The following SPHK1 variants were observed in gnomAD, a reference collection of about 807,000 sequenced individuals.
The protein encoded by SPHK1 is sphingosine kinase 1, also known as SK 1.
Under a neutral mutation model 14.6 loss-of-function variants are expected in SPHK1, and 10 were observed. That is an observed-to-expected ratio of 0.68 (90% CI 0.42 to 1.16). The LOEUF (loss-of-function observed/expected upper bound fraction) is 1.16, where lower values mean the gene tolerates loss of function less well. Ranked by LOEUF, SPHK1 falls within the 50% of genes most tolerant of loss-of-function variation. The pLI is 0.00. For missense variants in SPHK1, 553 were observed against 525.4 expected (o/e 1.05, Z -0.51); for synonymous variants, 274 against 224.0 (o/e 1.22, Z -1.99).
Position 76,385,880 on chromosome 17 carries a change from A to G in SPHK1, c.11-105A>G. 3.4e-6 allele frequency: 5 copies of G among 1,490,146 alleles called. No homozygotes were observed. The highest frequency in any genetic ancestry group is 4.5e-6 in the Non-Finnish European group (5 of 1,115,336). 92.3% of individuals were successfully genotyped at this position (1,490,146 alleles called of 1,614,324 possible). A position where few individuals can be genotyped will look rare whatever the true frequency, so the allele number is the denominator to read the frequency against. On this transcript the variant is annotated intron_variant, in intron 2 of 5. Coordinates refer to ENST00000592299, the MANE Select transcript of SPHK1 (RefSeq NM_001142601.2). This position sits in a 1 kb window ranked among gnomAD's most constrained non-coding sequence, Gnocchi z 5.3. ...GCCGCTCCTCTGGCCAGGGTCAATT[A>G]CCGGGGTGTTTCGGGCACCAAGTTC...
chr17:76,385,060 T>C lies in SPHK1; in HGVS notation c.-195+254T>C. 6.5e-7 allele frequency: 1 copy of C among 1,542,332 alleles called. No individual in the cohort carries two copies. Among genetic ancestry groups the C allele is most frequent in the Non-Finnish European group, 8.7e-7 (1 of 1,143,182 alleles). ...GCTCCGGGCAGGGGACACGGCAACC[T>C]GGATGGCTGGGGCAGGGATCCTCTC... On this transcript the variant is annotated intron_variant, in intron 1 of 5. Transcript: ENST00000592299. The surrounding 1 kb of genome is among the most constrained non-coding windows in gnomAD (Gnocchi z 5.3).
upstream of SPHK1, chr17:76,383,850 T>A (rs1183785980): frequency 1.3e-5 from 17 of 1,284,754 alleles, no homozygotes; most frequent in Non-Finnish European, 1.4e-5. Flanking sequence ...ACGTACCACA[T>A]GCTTGGCTTT....
At position 76,387,520 on chromosome 17, in the gene SPHK1, C is replaced by T. The variant is rs346802; in HGVS notation, c.1089C>T (p.Ser363=). ...ACCCAAACTACTTCTGGATGGTCAG[C>T]GGTTGCGTGGAGCCCCCGCCCAGCT... The part of the protein sequence containing the change: ...QVHPNYFWMV[S]GCVEPPPSWK... Residue 363 remains serine (S), a synonymous_variant, in exon 6 of 6, where the codon AGC becomes AGT. Transcript: ENST00000592299. The surrounding 1 kb of genome is among the most constrained non-coding windows in gnomAD (Gnocchi z 4.1). The T allele has an allele frequency of 0.048, 76,856 of 1,611,404 alleles. 2,577 individuals are homozygous for T. The highest frequency in any genetic ancestry group is 0.12 in the South Asian group (11,227 of 90,988).
upstream of SPHK1, chr17:76,384,490 G>A (rs1008459048): frequency 6.7e-6 from 1 of 150,154 alleles, no homozygotes; most frequent in African/African-American, 2.4e-5. Context: ...CCCGGCCGTG[G>A]GCGCGGGCCG....
chr17:76,385,541 G>C lies in SPHK1; in HGVS notation c.-104G>C. 1.3e-6 allele frequency: 2 copies of C among 1,539,780 alleles called. No individual in the cohort carries two copies. The highest frequency in any genetic ancestry group is 8.7e-7 in the Non-Finnish European group (1 of 1,149,588). ...CCCCACAGCCGGCCCTGCGACGCCCGCCTGGGCAGCACCGATAAGGAGCTG... is the reference window on the plus strand; with the variant it reads ...CCCCACAGCCGGCCCTGCGACGCCCCCCTGGGCAGCACCGATAAGGAGCTG... On this transcript the variant is annotated 5_prime_UTR_variant, in exon 2 of 6. Transcript: ENST00000592299. This position sits in a 1 kb window ranked among gnomAD's most constrained non-coding sequence, Gnocchi z 5.3.
rs1284692175 is a variant in SPHK1, at chr17:76,386,885, C to T, written c.454C>T (p.Leu152=). 1.9e-6 allele frequency: 3 copies of T among 1,610,046 alleles called. No individual in the cohort carries two copies. Among genetic ancestry groups the T allele is most frequent in the East Asian group, 2.2e-5 (1 of 44,790 alleles). The change falls in exon 6 of 6, where the codon CTG becomes TTG. Residue 152 remains leucine (L), a synonymous_variant. Transcript: ENST00000592299. This position sits in a 1 kb window ranked among gnomAD's most constrained non-coding sequence, Gnocchi z 5.3. Reference sequence around the variant, plus strand: ...CCGCCGGCTGCTGTCACCCATGAACCTGCTGTCTCTGCACACGGCTTCGGG... The same window carrying T: ...CCGCCGGCTGCTGTCACCCATGAACTTGCTGTCTCTGCACACGGCTTCGGG... ...LCRRLLSPMN[L]LSLHTASGLR...
In SPHK1 at chr17:76,387,148, G is replaced by A. The variant is rs1421315388; in HGVS notation, c.717G>A (p.Val239=). 1 of 1,613,176 alleles carries A rather than the reference G, an allele frequency of 6.2e-7. No individual in the cohort carries two copies. Among genetic ancestry groups the A allele is most frequent in the South Asian group, 1.1e-5 (1 of 91,060 alleles). The stretch of plus-strand genomic sequence containing the variant: ...AGGGCCCGGTAGATGCACACCTTGT[G>A]CCACTGGAGGAGCCAGTGCCCTCTC... ...VQQGPVDAHL[V]PLEEPVPSHW... is the part of the protein sequence containing the mutation. Residue 239 remains valine (V), a synonymous_variant, in exon 6 of 6, where the codon GTG becomes GTA. Coordinates refer to ENST00000592299, the MANE Select transcript of SPHK1 (RefSeq NM_001142601.2). This position sits in a 1 kb window ranked among gnomAD's most constrained non-coding sequence, Gnocchi z 4.1.
At chr17:76,384,933 C>A in intron 1 of SPHK1, 127 bp downstream of exon 1, 1 of 679,482 alleles carries the variant, frequency 1.5e-6, no homozygotes, top group Non-Finnish European at 2.3e-6. Context: ...CCGGTTCGGG[C>A]TTGGCTTTGG....
upstream of SPHK1, chr17:76,384,254 T>A (rs1381447745): frequency 6.6e-6 from 1 of 152,062 alleles, no homozygotes; most frequent in Non-Finnish European, 1.5e-5. Context: ...CGGCGCTCGC[T>A]CCGACACGAG....
Position 76,387,384 on chromosome 17 carries a change from A to C in SPHK1, c.953A>C (p.Tyr318Ser), listed in dbSNP as rs748294157. The C allele has an allele frequency of 2.5e-6, 4 of 1,613,852 alleles. No homozygotes were observed. Among genetic ancestry groups the C allele is most frequent in the Non-Finnish European group, 3.4e-6 (4 of 1,180,016 alleles). ...KGRHMEYECP[Y>S]LVYVPVVAFR... ...AGGCATATGGAGTATGAATGCCCCTACTTGGTATATGTGCCCGTGGTCGCC... is the reference window on the plus strand; with the variant it reads ...AGGCATATGGAGTATGAATGCCCCTCCTTGGTATATGTGCCCGTGGTCGCC... The change falls in exon 6 of 6, where the codon TAC becomes TCC. Residue 318 changes from tyrosine to serine, a missense_variant. Physicochemically the swap from Tyr to Ser is moderately radical, Grantham distance 144. Transcript: ENST00000592299. This position sits in a 1 kb window ranked among gnomAD's most constrained non-coding sequence, Gnocchi z 4.1.
Position 76,387,508 on chromosome 17 carries a change from CTGGA to C in SPHK1, c.1081_1084del (p.Met361SerfsTer63), listed in dbSNP as rs772849565. ...AGGGCCAGGTGCACCCAAACTACTT[CTGGA>C]TGGTCAGCGGTTGCGTGGAGCCCCC... is the stretch of plus-strand genomic sequence containing the variant. On this transcript the variant is annotated frameshift_variant, in exon 6 of 6. Transcript: ENST00000592299. LOFTEE classifies it low-confidence loss of function (END_TRUNC). The surrounding 1 kb of genome is among the most constrained non-coding windows in gnomAD (Gnocchi z 4.1). 8.1e-6 allele frequency: 13 copies of C among 1,612,680 alleles called. No homozygotes were observed. In the Admixed American group the frequency reaches 2.2e-4, roughly 27 times the overall value.
rs1486399757 is a variant in SPHK1, at chr17:76,386,388, A to T, written c.259-5A>T. The T allele has an allele frequency of 6.2e-7, 1 of 1,609,972 alleles. No individual in the cohort carries two copies. The highest frequency in any genetic ancestry group is 2.2e-5 in the East Asian group (1 of 44,760). The stretch of plus-strand genomic sequence containing the variant: ...CCCAGGCTGAGGCCACGTGTGCTTC[A>T]ACAGGTGGTGAACGGGCTCATGGAG... On this transcript the variant is annotated splice_region_variant and splice_polypyrimidine_tract_variant and intron_variant, in intron 4 of 5. Transcript: ENST00000592299. The surrounding 1 kb of genome is among the most constrained non-coding windows in gnomAD (Gnocchi z 5.3).
rs902645016 is a variant in SPHK1 at position 76,386,618 on chromosome 17, C to T, written c.374+110C>T. 3 of 1,243,444 alleles carry T rather than the reference C, an allele frequency of 2.4e-6. No homozygotes were observed. The highest frequency in any genetic ancestry group is 3.3e-6 in the Non-Finnish European group (3 of 902,964). 77.0% of individuals were successfully genotyped at this position (1,243,444 alleles called of 1,614,324 possible). A position where few individuals can be genotyped will look rare whatever the true frequency, so the allele number is the denominator to read the frequency against. ...GAGATCATTTCCATTTCCCCTTCTC[C>T]CTTAGTCCTGGGGCCCTCTCCTGGT... On this transcript the variant is annotated intron_variant, in intron 5 of 5. Transcript: ENST00000592299. The surrounding 1 kb of genome is among the most constrained non-coding windows in gnomAD (Gnocchi z 5.3).
rs371698390 is a variant in SPHK1, at chr17:76,386,884, C to T, written c.453C>T (p.Asn151=). ...GCCGCCGGCTGCTGTCACCCATGAA[C>T]CTGCTGTCTCTGCACACGGCTTCGG... ...LLCRRLLSPM[N]LLSLHTASGL... Residue 151 remains asparagine, a synonymous_variant, in exon 6 of 6, where the codon AAC becomes AAT. Coordinates refer to ENST00000592299, the MANE Select transcript of SPHK1 (RefSeq NM_001142601.2). The surrounding 1 kb of genome is among the most constrained non-coding windows in gnomAD (Gnocchi z 5.3). The T allele has an allele frequency of 3.7e-6, 6 of 1,609,958 alleles. No individual in the cohort carries two copies. Among genetic ancestry groups the T allele is most frequent in the Non-Finnish European group, 5.1e-6 (6 of 1,177,568 alleles).
At position 76,386,379 on chromosome 17, in the gene SPHK1, G is replaced by A. The variant is rs200401140; in HGVS notation, c.259-14G>A. 1,036 of 1,608,492 alleles carry A rather than the reference G, an allele frequency of 6.4e-4. 7 individuals carry two copies. The highest frequency in any genetic ancestry group is 6.0e-3 in the South Asian group (542 of 90,848). On this transcript the variant is annotated splice_polypyrimidine_tract_variant and intron_variant, in intron 4 of 5. Transcript: ENST00000592299. The surrounding 1 kb of genome is among the most constrained non-coding windows in gnomAD (Gnocchi z 5.3). ...GCGGTGCGTCCCAGGCTGAGGCCACGTGTGCTTCAACAGGTGGTGAACGGG... is the reference window on the plus strand; with the variant it reads ...GCGGTGCGTCCCAGGCTGAGGCCACATGTGCTTCAACAGGTGGTGAACGGG...
rs1228909929 is a variant in SPHK1 at position 76,385,431 on chromosome 17, C to T, written c.-194-20C>T. The T allele has an allele frequency of 8.6e-6, 13 of 1,509,574 alleles. No individual in the cohort carries two copies. Among genetic ancestry groups the T allele is most frequent in the Non-Finnish European group, 1.1e-5 (13 of 1,133,266 alleles). The allele number at this position is 1,509,574 out of a possible 1,614,324, so 93.5% of individuals were successfully genotyped here. On this transcript the variant is annotated intron_variant, in intron 1 of 5. Coordinates refer to ENST00000592299, the MANE Select transcript of SPHK1 (RefSeq NM_001142601.2). The surrounding 1 kb of genome is among the most constrained non-coding windows in gnomAD (Gnocchi z 5.3). ...CAGCTGCGGCCCCGGACTCCGCCAGCGCTGTCTTCTCTCCCTCAGGTCCAG... is the reference window on the plus strand; with the variant it reads ...CAGCTGCGGCCCCGGACTCCGCCAGTGCTGTCTTCTCTCCCTCAGGTCCAG...
In SPHK1 at chr17:76,386,984, C is replaced by T. The variant is rs1381888541; in HGVS notation, c.553C>T (p.Arg185Trp). ...TGTGGACCTAGAGAGTGAGAAGTAT[C>T]GGCGTCTGGGGGAGATGCGCTTCAC... ...ADVDLESEKY[R>W]RLGEMRFTLG... The change falls in exon 6 of 6, where the codon CGG (arginine) becomes TGG (tryptophan). Residue 185 changes from arginine (R) to tryptophan (W), a missense_variant. Transcript: ENST00000592299. This position sits in a 1 kb window ranked among gnomAD's most constrained non-coding sequence, Gnocchi z 5.3. The T allele has an allele frequency of 1.1e-5, 17 of 1,613,486 alleles. No homozygotes were observed. Among genetic ancestry groups the T allele is most frequent in the East Asian group, 6.7e-5 (3 of 44,874 alleles).
upstream of SPHK1, chr17:76,383,747 C>T (rs918904386): frequency 1.0e-6 from 1 of 954,898 alleles, no homozygotes; most frequent in Non-Finnish European, 1.4e-6. Context: ...AACACACTGA[C>T]AAACGCGTCC....
At chr17:76,384,114 A>G (rs927361870), upstream of SPHK1, 3 of 273,070 alleles carry the variant, frequency 1.1e-5, no homozygotes, top group African/African-American at 7.1e-5. Context: ...CGGGCCTCGA[A>G]TTTCGGGTGG....
Sources: gnomAD v4.1 joint callset for allele counts on GRCh38, gnomAD v4.1.1 for gene constraint, Gnocchi (gnomAD v3.1) non-coding constraint, MANE v1.5 for transcripts, NCBI Gene and HGNC (gene_info 2026-07-23, HGNC 2026-07-21) for gene names.